Variants in LYRM4 observed in about 807,000 individuals in gnomAD.
The protein encoded by LYRM4 is LYR motif-containing protein 4.
A neutral mutation model predicts 11.7 loss-of-function variants in LYRM4; 9 were observed. That is an observed-to-expected ratio of 0.77 (90% CI 0.46 to 1.34). The LOEUF (loss-of-function observed/expected upper bound fraction) is 1.34, where lower values mean the gene tolerates loss of function less well. LYRM4 is among the 40% of genes most tolerant of loss of function. The pLI is 0.00. For synonymous variants in LYRM4, 42 were observed against 40.4 expected (o/e 1.04, Z -0.15); for missense variants, 133 against 112.5 (o/e 1.18, Z -0.82).
At chr6:5,057,451 C>T in the LYRM4 span, among the ~76,000 whole-genome samples, 2 of 152,110 alleles carry the variant, frequency 1.3e-5, no homozygotes, top group East Asian at 3.9e-4. Context: ...GCGTGGTGGC[C>T]CACGCCTGTA....
At chr6:5,051,385 A>G in the LYRM4 span, among the ~76,000 whole-genome samples, 1 of 152,224 alleles carries the variant, frequency 6.6e-6, no homozygotes, top group East Asian at 1.9e-4. Flanking sequence ...TTATACTCAA[A>G]CTGTCAAGAC....
At chr6:5,217,007 C>T (rs1392741065) in intron 1 of LYRM4, among the ~76,000 whole-genome samples, 1 of 152,166 alleles carries the variant, frequency 6.6e-6, no homozygotes, top group Non-Finnish European at 1.5e-5. Flanking sequence ...GTTCTTTAGC[C>T]TTATTCACAT....
intron 2 of LYRM4, among the ~76,000 whole-genome samples, chr6:5,134,871 C>T (rs1404318504): frequency 1.3e-5 from 2 of 152,240 alleles, no homozygotes; most frequent in Admixed American, 6.5e-5. Context: ...CTTCTCCTTC[C>T]TCTCCCTTGG....
rs1433932288 is a variant in LYRM4, at chr6:5,243,462, C to T, written c.86+17186G>A. Among the ~76,000 whole-genome samples, 17 of 152,260 alleles carry T rather than the reference C, an allele frequency of 1.1e-4. No homozygotes were observed. In the South Asian group the frequency reaches 1.9e-3, roughly 17 times the overall value. ...AGAATTGCAAAATGAAAACAGGTTG[C>T]GCTGAAAGGCAATAACTCTTTCCTC... On this transcript the variant is annotated intron_variant, in intron 1 of 2. Coordinates refer to ENST00000330636, the MANE Select transcript of LYRM4 (RefSeq NM_020408.6).
rs748654116 is a variant in LYRM4 at position 5,108,703 on chromosome 6, G to C, written c.*720C>G. 6.3e-5 allele frequency: 54 copies of C among 862,326 alleles called. No homozygotes were observed. The highest frequency in any genetic ancestry group is 7.3e-5 in the Non-Finnish European group (52 of 717,222). 53.4% of individuals were successfully genotyped at this position (862,326 alleles called of 1,614,324 possible). ...AGGGTATGGGAGTCGCCCTGGGCTT[G>C]GGTCAGGCTGGGGCTCTCTCATTCA... On this transcript the variant is annotated 3_prime_UTR_variant, in exon 3 of 3. Transcript: ENST00000330636.
In LYRM4 at chr6:5,260,806, G is replaced by A; in HGVS notation, c.-73C>T. On this transcript the variant is annotated 5_prime_UTR_variant, in exon 1 of 3. Transcript: ENST00000330636. ...GTACGACCCAACCCACGAAACTCCA[G>A]CCTGTGCGGAAACCACGAACGAAAT... 2 of 1,530,806 alleles carry A rather than the reference G, an allele frequency of 1.3e-6. No homozygotes were observed. The highest frequency in any genetic ancestry group is 2.4e-5 in the South Asian group (2 of 83,690). 94.8% of individuals were successfully genotyped at this position (1,530,806 alleles called of 1,614,324 possible).
intron 2 of LYRM4, chr6:5,136,181 A>C: frequency 1.5e-6 from 1 of 660,642 alleles, no homozygotes; most frequent in Non-Finnish European, 1.9e-6. Flanking sequence ...GTTGTGAATA[A>C]TACTGCTCTG....
chr6:5,070,079 C>G, the LYRM4 span, among the ~76,000 whole-genome samples: 1 of 152,226 alleles, frequency 6.6e-6, no homozygotes, highest in African/African-American at 2.4e-5. Flanking sequence ...ACAATGCAGG[C>G]TCTAACATTA....
intron 2 of LYRM4, among the ~76,000 whole-genome samples, chr6:5,185,387 G>A (rs958207576): frequency 4.4e-4 from 67 of 152,192 alleles, no homozygotes; most frequent in Admixed American, 3.1e-3. Flanking sequence ...CTTGTCTTCT[G>A]CTAGAGCATA....
intron 1 of LYRM4, among the ~76,000 whole-genome samples, 182 bp downstream of exon 1, chr6:5,260,466 G>A (rs1275281205): frequency 6.6e-6 from 1 of 152,254 alleles, no homozygotes; most frequent in Non-Finnish European, 1.5e-5. Flanking sequence ...TCCTCCCCGA[G>A]GTCTCAGAGG....
At chr6:5,078,076 C>T in the LYRM4 span, among the ~76,000 whole-genome samples, 1 of 152,144 alleles carries the variant, frequency 6.6e-6, no homozygotes, top group African/African-American at 2.4e-5. Context: ...TTATGCAAAT[C>T]ATGTTAAAGT....
intron 2 of LYRM4, among the ~76,000 whole-genome samples, chr6:5,150,696 A>G (rs569039772): frequency 3.7e-4 from 56 of 152,200 alleles, no homozygotes; most frequent in Non-Finnish European, 6.6e-4. Flanking sequence ...TTCTCAATCG[A>G]GCCTCCAGCT....
chr6:5,139,239 A>G (rs1177550236), intron 2 of LYRM4, among the ~76,000 whole-genome samples: 1 of 152,232 alleles, frequency 6.6e-6, no homozygotes, highest in Non-Finnish European at 1.5e-5. Flanking sequence ...TGATCTTCCC[A>G]GGCACCGCTG....
the LYRM4 span, chr6:5,086,262 C>A: frequency 1.3e-6 from 2 of 1,535,566 alleles, no homozygotes; most frequent in Non-Finnish European, 1.7e-6. Flanking sequence ...AGTGGCGCTC[C>A]TTCCTGGACG....
At chr6:5,049,830 T>C in the LYRM4 span, among the ~76,000 whole-genome samples, 134 of 152,244 alleles carry the variant, frequency 8.8e-4, 1 homozygote, top group East Asian at 7.7e-4. Context: ...CCACCATCCC[T>C]GGCTAATTTT....
At chr6:5,083,602 T>G in the LYRM4 span, among the ~76,000 whole-genome samples, 1 of 152,216 alleles carries the variant, frequency 6.6e-6, no homozygotes, top group Non-Finnish European at 1.5e-5. Flanking sequence ...TGAGAAATCT[T>G]TCTGCAGTGT....
Position 5,209,441 on chromosome 6 carries a change from T to A in LYRM4, c.207+7177A>T, listed in dbSNP as rs115114541. The stretch of plus-strand genomic sequence containing the variant: ...TTACATTTTTATTGCACCCAGCCTA[T>A]TATTACTTTTTAAATATGTAGATTG... On this transcript the variant is annotated intron_variant, in intron 2 of 2. Coordinates refer to ENST00000330636, the MANE Select transcript of LYRM4 (RefSeq NM_020408.6). 2.0e-3 allele frequency among the ~76,000 whole-genome samples: 307 copies of A among 152,334 alleles called. 3 individuals carry two copies. The highest frequency in any genetic ancestry group is 7.0e-3 in the African/African-American group (289 of 41,570).
the LYRM4 span, among the ~76,000 whole-genome samples, chr6:5,073,196 C>T: frequency 2.0e-5 from 3 of 151,952 alleles, no homozygotes; most frequent in Non-Finnish European, 4.4e-5. Context: ...GCCTAGCCAA[C>T]ATCTCTACTT....
chr6:5,159,134 A>G lies in LYRM4; in HGVS notation c.208-49643T>C, dbSNP rs564878017. Among the ~76,000 whole-genome samples, 11 of 152,360 alleles carry G rather than the reference A, an allele frequency of 7.2e-5. No homozygotes were observed. The East Asian group carries it at 2.1e-3, about 29-fold the overall frequency. On this transcript the variant is annotated intron_variant, in intron 2 of 2. Coordinates refer to ENST00000330636, the MANE Select transcript of LYRM4 (RefSeq NM_020408.6). Reference sequence around the variant, plus strand: ...CTGGGCTGGAGGGGGCCAGACTGACAGCAGCGATCGTACTCTTCCAAAGGA... The same window carrying G: ...CTGGGCTGGAGGGGGCCAGACTGACGGCAGCGATCGTACTCTTCCAAAGGA...
Sources: allele counts gnomAD v4.1 joint callset (sites outside exome capture counted in the v4.1 genomes callset), GRCh38; gene constraint gnomAD v4.1.1; transcripts MANE v1.5; gene names NCBI Gene and HGNC (gene_info 2026-07-23, HGNC 2026-07-21).